HID1: variants seen among roughly 807,000 people sequenced by gnomAD.
The protein encoded by HID1 is HID1 domain containing.
A neutral mutation model predicts 89.7 loss-of-function variants in HID1; 42 were observed. The ratio of observed to expected loss-of-function variants is 0.47; its 90% CI spans 0.37 to 0.61. The LOEUF is 0.61. Ranked by LOEUF, HID1 falls within the 20% of genes least tolerant of loss-of-function variation. The pLI is 0.00. For synonymous variants in HID1, 442 were observed against 433.8 expected (o/e 1.02, Z -0.24); for missense variants, 854 against 1,039.3 (o/e 0.82, Z 2.45).
At chr17:74,957,658 G>A (rs1330273963) in intron 12 of HID1, among the ~76,000 whole-genome samples, 6 of 151,628 alleles carry the variant, frequency 4.0e-5, no homozygotes, top group African/African-American at 1.5e-4. Flanking sequence ...CCAGCACTTT[G>A]GGAGGCTGAG....
Position 74,963,001 on chromosome 17 carries a change from C to T in HID1, c.468G>A (p.Pro156=), listed in dbSNP as rs201044220. 409 of 1,613,554 alleles carry T rather than the reference C, an allele frequency of 2.5e-4. 3 individuals are homozygous for T. The Admixed American group carries it at 6.7e-3, about 27-fold the overall frequency. ...TCCGGTGGCTCTGAACCGTGAAGTC[C>T]GGGCAGAAGAGCAGGTCAGCAATGG... The part of the protein sequence containing the change: ...LLAIADLLFC[P]DFTVQSHRRS... The change falls in exon 4 of 19, where the codon CCG becomes CCA. Residue 156 remains proline, a synonymous_variant. Transcript: ENST00000425042.
intron 3 of HID1, 85 bp from the exon 4 acceptor site, chr17:74,963,166 G>A: frequency 2.0e-6 from 2 of 1,004,384 alleles, no homozygotes; most frequent in Non-Finnish European, 1.5e-6. Context: ...GGAGGACAGG[G>A]GCTGAGCCCA....
rs2039315639 is a variant in HID1, at chr17:74,952,301, C to T, written c.2112G>A (p.Leu704=). ...TGCAGATCTTCTCCACCTGCGGAAC[C>T]AGCACCTGCAGCAGCCTCATGATGG... ...LQTIMRLLQV[L]VPQVEKICID... is the part of the protein sequence containing the mutation. The change falls in exon 17 of 19, where the codon CTG becomes CTA. Residue 704 remains leucine (L), a synonymous_variant. Coordinates refer to ENST00000425042, the MANE Select transcript of HID1 (RefSeq NM_030630.3). The T allele has an allele frequency of 6.2e-7, 1 of 1,613,928 alleles. No individual in the cohort carries two copies. The highest frequency in any genetic ancestry group is 8.5e-7 in the Non-Finnish European group (1 of 1,179,936).
chr17:74,960,037 C>G lies in HID1; in HGVS notation c.940G>C (p.Asp314His). ...VDGTTTGTAM[D>H]DADPPGPENL... ...GCTCCCATCCTTACATCGGCATCAT[C>G]CATGGCGGTGCCAGTGGTGGTGCCG... Residue 314 changes from aspartate (D) to histidine (H), a missense_variant, in exon 7 of 19, where the codon GAT becomes CAT. By Grantham distance (81) the Asp-to-His change is moderately conservative (BLOSUM62 -1). Coordinates refer to ENST00000425042, the MANE Select transcript of HID1 (RefSeq NM_030630.3). 6.2e-7 allele frequency: 1 copy of G among 1,613,586 alleles called. No homozygotes were observed. Among genetic ancestry groups the G allele is most frequent in the African/African-American group, 1.3e-5 (1 of 75,082 alleles).
chr17:74,958,079 T>C lies in HID1; in HGVS notation c.1471+62A>G. The stretch of plus-strand genomic sequence containing the variant: ...CTTGAAACCTGGAGCAAGTGGCAGG[T>C]TGGCCTGTGGCCTGACACCACCTGG... On this transcript the variant is annotated intron_variant, in intron 12 of 18. Transcript: ENST00000425042. The surrounding 1 kb of genome is among the most constrained non-coding windows in gnomAD (Gnocchi z 5.2). 6.8e-7 allele frequency: 1 copy of C among 1,470,790 alleles called. No individual in the cohort carries two copies. Among genetic ancestry groups the C allele is most frequent in the Non-Finnish European group, 9.2e-7 (1 of 1,081,860 alleles). 91.1% of individuals were successfully genotyped at this position (1,470,790 alleles called of 1,614,324 possible). A position where few individuals can be genotyped will look rare whatever the true frequency, so the allele number is the denominator to read the frequency against.
At chr17:74,953,834 A>C (rs1335629908) in intron 14 of HID1, among the ~76,000 whole-genome samples, 183 bp from the exon 15 acceptor site, 2 of 150,924 alleles carry the variant, frequency 1.3e-5, no homozygotes, top group African/African-American at 4.9e-5. Flanking sequence ...CAGAGTCTAC[A>C]CTCGCCCTGA....
rs535059740 is a variant in HID1 at position 74,968,092 on chromosome 17, G to A, written c.67-3460C>T. On this transcript the variant is annotated intron_variant, in intron 1 of 18. Transcript: ENST00000425042. Reference sequence around the variant, plus strand: ...TGTACTCCAGCGTGCATGACTGAGTGAGACCCTGTCTCTAAATATTTAATA... The same window carrying A: ...TGTACTCCAGCGTGCATGACTGAGTAAGACCCTGTCTCTAAATATTTAATA... Among the ~76,000 whole-genome samples the A allele has an allele frequency of 7.2e-5, 11 of 152,268 alleles. No homozygotes were observed. The East Asian group carries it at 2.1e-3, about 29-fold the overall frequency.
intron 1 of HID1, among the ~76,000 whole-genome samples, chr17:74,965,331 C>T (rs1427514229): frequency 1.3e-5 from 2 of 152,262 alleles, no homozygotes; most frequent in Admixed American, 6.5e-5. Context: ...GCCACAGGCA[C>T]TGCTTCCTCA....
intron 3 of HID1, 99 bp from the exon 4 acceptor site, chr17:74,963,180 G>A (rs1036605251): frequency 2.7e-5 from 21 of 766,300 alleles, no homozygotes; most frequent in Admixed American, 1.7e-4. Context: ...GAGCCCAGGC[G>A]GGCACCCATG....
At position 74,972,688 on chromosome 17, in the gene HID1, C is replaced by A; in HGVS notation, c.-32G>T. On this transcript the variant is annotated 5_prime_UTR_variant, in exon 1 of 19. Coordinates refer to ENST00000425042, the MANE Select transcript of HID1 (RefSeq NM_030630.3). The surrounding 1 kb of genome is among the most constrained non-coding windows in gnomAD (Gnocchi z 6.4). The stretch of plus-strand genomic sequence containing the variant: ...GGAGCCCGCTCCGGCCCGGCCCCCG[C>A]CCAGACTCCAACCCGGCTCCGGCTT... The A allele has an allele frequency of 6.6e-7, 1 of 1,526,302 alleles. No homozygotes were observed. Among genetic ancestry groups the A allele is most frequent in the Non-Finnish European group, 8.8e-7 (1 of 1,134,896 alleles). 94.5% of individuals were successfully genotyped at this position (1,526,302 alleles called of 1,614,324 possible). A position where few individuals can be genotyped will look rare whatever the true frequency, so the allele number is the denominator to read the frequency against.
In HID1 at chr17:74,953,656, G is replaced by T. The variant is rs1416762319; in HGVS notation, c.1865-5C>A. ...TCTCGGTCAGCTTGTCAATGCCTGGGCAGGGCACAGGTGGGAGTGAGGACT... is the reference window on the plus strand; with the variant it reads ...TCTCGGTCAGCTTGTCAATGCCTGGTCAGGGCACAGGTGGGAGTGAGGACT... On this transcript the variant is annotated splice_region_variant and splice_polypyrimidine_tract_variant and intron_variant, in intron 14 of 18. Transcript: ENST00000425042. 6.2e-7 allele frequency: 1 copy of T among 1,612,882 alleles called. No individual in the cohort carries two copies. Among genetic ancestry groups the T allele is most frequent in the South Asian group, 1.1e-5 (1 of 91,062 alleles).
Position 74,959,555 on chromosome 17 carries a change from C to T in HID1, c.1008+326G>A, listed in dbSNP as rs2039447907. ...GAAGTTAGAACTCTGGGAGTTCAAG[C>T]ACCTTCCCACCAAGATCACAAGACA... On this transcript the variant is annotated intron_variant, in intron 8 of 18. Transcript: ENST00000425042. The surrounding 1 kb of genome is among the most constrained non-coding windows in gnomAD (Gnocchi z 4.6). Among the ~76,000 whole-genome samples the T allele has an allele frequency of 6.6e-6, 1 of 152,196 alleles. No homozygotes were observed. The highest frequency in any genetic ancestry group is 1.5e-5 in the Non-Finnish European group (1 of 68,026).
At chr17:74,968,002 G>A (rs1443537650) in intron 1 of HID1, 1 of 152,416 alleles carries the variant, frequency 6.6e-6, no homozygotes, top group Non-Finnish European at 1.5e-5. Context: ...CCACTCAGGA[G>A]GCTGAGGCAG....
chr17:74,965,635 C>T (rs1054895419), intron 1 of HID1, among the ~76,000 whole-genome samples: 4 of 152,140 alleles, frequency 2.6e-5, no homozygotes, highest in Non-Finnish European at 4.4e-5. Context: ...ACACACATGC[C>T]CAGCCAGGCA....
rs764680283 is a variant in HID1 at position 74,952,313 on chromosome 17, C to T, written c.2100G>A (p.Leu700=). ...SKLPLQTIMR[L]LQVLVPQVEK... is the part of the protein sequence containing the mutation. ...CCACCTGCGGAACCAGCACCTGCAG[C>T]AGCCTCATGATGGTCTGCAGCGGCA... is the stretch of plus-strand genomic sequence containing the variant. The change falls in exon 17 of 19, where the codon CTG becomes CTA. Residue 700 remains leucine, a synonymous_variant. Transcript: ENST00000425042. 2 of 1,614,022 alleles carry T rather than the reference C, an allele frequency of 1.2e-6. No individual in the cohort carries two copies. Among genetic ancestry groups the T allele is most frequent in the South Asian group, 2.2e-5 (2 of 91,078 alleles).
intron 6 of HID1, 61 bp from the exon 7 acceptor site, chr17:74,960,309 C>T: frequency 7.1e-7 from 1 of 1,400,908 alleles, no homozygotes; most frequent in Non-Finnish European, 9.7e-7. Context: ...CCTGGCCACA[C>T]CTCTCTGGCC....
rs2039306459 is a variant in HID1, at chr17:74,951,899, G to A, written c.2303+6C>T. The A allele has an allele frequency of 2.6e-6, 4 of 1,511,772 alleles. No individual in the cohort carries two copies. In the African/African-American group the frequency reaches 4.1e-5, roughly 16 times the overall value. The allele number at this position is 1,511,772 out of a possible 1,614,324, so 93.6% of individuals were successfully genotyped here. A position where few individuals can be genotyped will look rare whatever the true frequency, so the allele number is the denominator to read the frequency against. On this transcript the variant is annotated splice_donor_region_variant and intron_variant, in intron 18 of 18. Transcript: ENST00000425042. ...GGTGGACACCACCCCACTCCCCGGG[G>A]CCCACCTCAGATAGATGACGCCCCA...
At chr17:74,967,550 AAATAT>A (rs2039581182) in intron 1 of HID1, among the ~76,000 whole-genome samples, 1 of 151,802 alleles carries the variant, frequency 6.6e-6, no homozygotes, top group Non-Finnish European at 1.5e-5. Flanking sequence ...AAAAAATAAA[AAATAT>A]AATAATAATA....
rs139566464 is a variant in HID1 at position 74,958,142 on chromosome 17, G to A, written c.1470C>T (p.Asn490=). 1.3e-5 allele frequency: 21 copies of A among 1,605,784 alleles called. No homozygotes were observed. The highest frequency in any genetic ancestry group is 1.7e-5 in the Non-Finnish European group (20 of 1,176,698). The part of the protein sequence containing the change: ...LFDCLLTIVV[N]VSPYLKSLSM... Reference sequence around the variant, plus strand: ...GGAGTGCAAGCTCCGGGCCCCTACCGTTGACCACGATGGTGAGCAGGCAGT... The same window carrying A: ...GGAGTGCAAGCTCCGGGCCCCTACCATTGACCACGATGGTGAGCAGGCAGT... Residue 490 remains asparagine (N), a splice_region_variant and synonymous_variant, in exon 12 of 19, where the codon AAC becomes AAT. Coordinates refer to ENST00000425042, the MANE Select transcript of HID1 (RefSeq NM_030630.3). This position sits in a 1 kb window ranked among gnomAD's most constrained non-coding sequence, Gnocchi z 5.2.
Sources: gnomAD v4.1 joint callset for allele counts (sites outside exome capture counted in the v4.1 genomes callset) on GRCh38, gnomAD v4.1.1 for gene constraint, Gnocchi (gnomAD v3.1) non-coding constraint, MANE v1.5 for transcripts, NCBI Gene and HGNC (gene_info 2026-07-23, HGNC 2026-07-21) for gene names.